GPHN: variants seen among roughly 807,000 people sequenced by gnomAD.
GPHN encodes gephyrin.
A neutral mutation model predicts 95.5 loss-of-function variants in GPHN; 17 were observed. That is an observed-to-expected ratio of 0.18 (90% CI 0.12 to 0.27). The LOEUF is 0.27. Ranked by LOEUF, GPHN falls within the 10% of genes least tolerant of loss-of-function variation. The pLI, the probability that GPHN is intolerant of heterozygous loss-of-function variation, is 1.00. For missense variants in GPHN, 660 were observed against 978.1 expected, an observed-to-expected ratio of 0.67 and a Z score of 4.34; for synonymous variants, 320 against 322.5, an observed-to-expected ratio of 0.99 and a Z score of 0.08.
At chr14:66,679,876 C>T (rs2066837831) in intron 1 of GPHN, among the ~76,000 whole-genome samples, 1 of 152,142 alleles carries the variant, frequency 6.6e-6, no homozygotes, top group Non-Finnish European at 1.5e-5. Flanking sequence ...AACTCTATAT[C>T]ATCTGTGGGT....
chr14:67,272,802 G>C, the GPHN span, among the ~76,000 whole-genome samples: 4 of 152,096 alleles, frequency 2.6e-5, no homozygotes, highest in African/African-American at 9.7e-5. Flanking sequence ...GGGACTACAG[G>C]CACAAGCCAC....
chr14:66,842,721 G>A, intron 4 of GPHN: 1 of 1,525,624 alleles, frequency 6.6e-7, no homozygotes, highest in Non-Finnish European at 8.8e-7. Flanking sequence ...AAAGGGGTAA[G>A]CGAAGACTTC....
At chr14:67,579,615 A>G in the GPHN span, 1 of 1,128,266 alleles carries the variant, frequency 8.9e-7, no homozygotes. Flanking sequence ...GGCCTTTTGT[A>G]TTTGCCCTTG....
chr14:66,876,963 C>T (rs1170757542), intron 4 of GPHN, among the ~76,000 whole-genome samples: 2 of 152,078 alleles, frequency 1.3e-5, no homozygotes, highest in Non-Finnish European at 2.9e-5. Flanking sequence ...GGCCAATATC[C>T]CCGAGGAACA....
At chr14:67,594,585 G>A in the GPHN span, among the ~76,000 whole-genome samples, 124 of 151,836 alleles carry the variant, frequency 8.2e-4, 3 homozygotes, top group East Asian at 0.014. Flanking sequence ...AGGCGGAGGC[G>A]GAGGTTGCAG....
At chr14:66,800,466 A>C (rs2060307397) in intron 3 of GPHN, among the ~76,000 whole-genome samples, 1 of 151,970 alleles carries the variant, frequency 6.6e-6, no homozygotes, top group Non-Finnish European at 1.5e-5. Flanking sequence ...AGGGTAAAAG[A>C]TTTCTTCTTT....
intron 4 of GPHN, among the ~76,000 whole-genome samples, chr14:66,833,611 T>C (rs533331534): frequency 2.0e-5 from 3 of 152,190 alleles, no homozygotes; most frequent in African/African-American, 7.2e-5. Flanking sequence ...CATGAATACA[T>C]TCCTCAGTAG....
At chr14:67,717,789 C>A in the GPHN span, 1 of 152,158 alleles carries the variant, frequency 6.6e-6, no homozygotes, top group South Asian at 2.1e-4. Context: ...ATAGGCTGGG[C>A]GTGGTGGCTC....
At chr14:66,997,582 C>T (rs1451941699) in intron 9 of GPHN, among the ~76,000 whole-genome samples, 6 of 152,068 alleles carry the variant, frequency 3.9e-5, no homozygotes, top group Admixed American at 1.3e-4. Flanking sequence ...GTTTAAAATA[C>T]GAGGTAGTAT....
At chr14:66,844,954 C>A (rs186919443) in intron 4 of GPHN, among the ~76,000 whole-genome samples, 2 of 152,242 alleles carry the variant, frequency 1.3e-5, no homozygotes, top group African/African-American at 4.8e-5. Context: ...CTAGATACCT[C>A]ATATAAGTGG....
chr14:66,755,577 C>T (rs987714450), intron 2 of GPHN, among the ~76,000 whole-genome samples: 11 of 151,892 alleles, frequency 7.2e-5, no homozygotes, highest in African/African-American at 2.4e-4. Context: ...TTTTCAGGTA[C>T]CTTTCTTTAT....
the GPHN span, among the ~76,000 whole-genome samples, chr14:67,675,916 T>G: frequency 6.6e-6 from 1 of 151,656 alleles, no homozygotes; most frequent in East Asian, 1.9e-4. Flanking sequence ...GCCAACATGG[T>G]GAAACCCCCG....
the GPHN span, among the ~76,000 whole-genome samples, chr14:67,540,030 G>A: frequency 6.6e-6 from 1 of 152,166 alleles, no homozygotes; most frequent in Non-Finnish European, 1.5e-5. Context: ...GTAGTATCTG[G>A]CAACAGTACA....
At chr14:66,745,638 C>T (rs2058114561) in intron 2 of GPHN, among the ~76,000 whole-genome samples, 1 of 151,270 alleles carries the variant, frequency 6.6e-6, no homozygotes, top group Non-Finnish European at 1.5e-5. Context: ...AAAGTGTTGC[C>T]AATTATGAAA....
chr14:66,770,704 CCA>C (rs767334380), intron 2 of GPHN, among the ~76,000 whole-genome samples: 1 of 152,138 alleles, frequency 6.6e-6, no homozygotes, highest in Non-Finnish European at 1.5e-5. Flanking sequence ...GTCCCCCCAT[CCA>C]CAGTTTCACT....
chr14:66,767,589 G>A (rs966687710), intron 2 of GPHN, among the ~76,000 whole-genome samples: 4 of 151,884 alleles, frequency 2.6e-5, no homozygotes, highest in African/African-American at 7.2e-5. Context: ...ATATGGGTAT[G>A]TGTTATAAGC....
chr14:67,411,530 C>T, the GPHN span, among the ~76,000 whole-genome samples: 7 of 152,112 alleles, frequency 4.6e-5, no homozygotes, highest in Non-Finnish European at 1.0e-4. Flanking sequence ...AGCAAGTTCC[C>T]TAACTCCTCT....
chr14:66,956,020 A>G (rs1314539050), intron 8 of GPHN, among the ~76,000 whole-genome samples: 1 of 152,098 alleles, frequency 6.6e-6, no homozygotes, highest in Non-Finnish European at 1.5e-5. Flanking sequence ...AATTTTGTTG[A>G]TACTTTTAAA....
chr14:67,143,458 G>C lies in GPHN; in HGVS notation c.1836+9G>C. 1 of 1,502,926 alleles carries C rather than the reference G, an allele frequency of 6.7e-7. No individual in the cohort carries two copies. 93.1% of individuals were successfully genotyped at this position (1,502,926 alleles called of 1,614,324 possible). A position where few individuals can be genotyped will look rare whatever the true frequency, so the allele number is the denominator to read the frequency against. On this transcript the variant is annotated intron_variant, in intron 18 of 22. Transcript: ENST00000478722. ...TATCCATGGGGGAAAAGGTATGAAAGATAGGGCTCGTGAAAATGTATCTGC... is the reference window on the plus strand; with the variant it reads ...TATCCATGGGGGAAAAGGTATGAAACATAGGGCTCGTGAAAATGTATCTGC...
Sources: allele counts gnomAD v4.1 joint callset (sites outside exome capture counted in the v4.1 genomes callset), GRCh38; gene constraint gnomAD v4.1.1; transcripts MANE v1.5; gene names NCBI Gene and HGNC (gene_info 2026-07-23, HGNC 2026-07-21).